GRM7: variants seen among roughly 807,000 people sequenced by gnomAD.
The protein encoded by GRM7 is glutamate metabotropic receptor 7.
Under a neutral mutation model 84.5 loss-of-function variants are expected in GRM7, and 35 were observed. The observed-to-expected ratio is 0.41, with a 90% confidence interval of 0.32 to 0.55. GRM7 has a LOEUF of 0.55. GRM7 is among the 20% of genes least tolerant of loss of function. GRM7 has a pLI of 0.19. For synonymous variants in GRM7, 487 were observed against 455.1 expected, an observed-to-expected ratio of 1.07 and a Z score of -0.89; for missense variants, 1,003 against 1,194.6, an observed-to-expected ratio of 0.84 and a Z score of 2.36.
chr3:6,913,536 T>C (rs1335154754), intron 1 of GRM7, among the ~76,000 whole-genome samples: 2 of 152,182 alleles, frequency 1.3e-5, no homozygotes, highest in Non-Finnish European at 2.9e-5. Context: ...TACTCTATTC[T>C]TATCTTTTTC....
chr3:7,651,623 G>C (rs1223421726), intron 8 of GRM7, among the ~76,000 whole-genome samples: 3 of 152,188 alleles, frequency 2.0e-5, no homozygotes, highest in African/African-American at 7.2e-5. Flanking sequence ...AAGAATTGCT[G>C]CTCAGTTCCA....
chr3:7,708,695 A>G (rs1302270366), intron 9 of GRM7, among the ~76,000 whole-genome samples: 1 of 152,034 alleles, frequency 6.6e-6, no homozygotes, highest in Non-Finnish European at 1.5e-5. Flanking sequence ...GAGGTTGGAA[A>G]CCAGTCACTC....
chr3:7,230,570 A>T (rs1265295678), intron 2 of GRM7, among the ~76,000 whole-genome samples: 1 of 152,216 alleles, frequency 6.6e-6, no homozygotes, highest in Non-Finnish European at 1.5e-5. Flanking sequence ...AATGTCTAAG[A>T]TTCCTTCAAC....
chr3:7,727,846 G>T (rs184684241), intron 9 of GRM7, among the ~76,000 whole-genome samples: 1 of 152,028 alleles, frequency 6.6e-6, no homozygotes, highest in Non-Finnish European at 1.5e-5. Context: ...ATCTCCCATG[G>T]CCAAGATCCC....
chr3:7,305,851 C>T (rs535673167), intron 3 of GRM7, among the ~76,000 whole-genome samples: 1 of 152,182 alleles, frequency 6.6e-6, no homozygotes, highest in South Asian at 2.1e-4. Context: ...TCTGATCTAC[C>T]AATGCAGTTA....
intron 1 of GRM7, among the ~76,000 whole-genome samples, chr3:7,129,329 C>G (rs865922975): frequency 2.6e-5 from 4 of 152,296 alleles, no homozygotes; most frequent in African/African-American, 4.8e-5. Flanking sequence ...TACAAGTTCT[C>G]TAGCCTAAAG....
chr3:7,284,303 T>C (rs981527081), intron 2 of GRM7, among the ~76,000 whole-genome samples: 3 of 127,108 alleles, frequency 2.4e-5, no homozygotes, highest in Non-Finnish European at 5.2e-5. Context: ...TGTGTGTGTG[T>C]GTGTGTGTGT....
intron 1 of GRM7, among the ~76,000 whole-genome samples, chr3:7,137,508 TTA>T (rs1693809312): frequency 1.3e-5 from 2 of 152,070 alleles, no homozygotes; most frequent in Non-Finnish European, 2.9e-5. Context: ...CAAACCTTGA[TTA>T]CTTGAAATGA....
chr3:7,338,643 GA>G (rs1701519357), intron 4 of GRM7, among the ~76,000 whole-genome samples: 1 of 152,114 alleles, frequency 6.6e-6, no homozygotes, highest in Non-Finnish European at 1.5e-5. Context: ...TTCGCCCTTT[GA>G]AGTTCACACC....
At chr3:6,986,045 G>C (rs535241565) in intron 1 of GRM7, among the ~76,000 whole-genome samples, 1 of 152,056 alleles carries the variant, frequency 6.6e-6, no homozygotes, top group African/African-American at 2.4e-5. Context: ...GCCTTTGCAC[G>C]TACCTGGTGG....
chr3:7,221,053 C>T (rs959976444), intron 2 of GRM7, among the ~76,000 whole-genome samples: 17 of 152,224 alleles, frequency 1.1e-4, no homozygotes, highest in African/African-American at 3.9e-4. Flanking sequence ...GCCGAGATCA[C>T]ACCACTGCAC....
intron 2 of GRM7, among the ~76,000 whole-genome samples, chr3:7,245,035 A>C (rs1697705799): frequency 6.6e-6 from 1 of 152,052 alleles, no homozygotes; most frequent in African/African-American, 2.4e-5. Context: ...ATTTAATGTC[A>C]TAAATTTATT....
At chr3:7,664,409 C>A (rs1035440381) in intron 8 of GRM7, among the ~76,000 whole-genome samples, 1 of 152,150 alleles carries the variant, frequency 6.6e-6, no homozygotes, top group African/African-American at 2.4e-5. Flanking sequence ...TTCTTTATGT[C>A]GGTAAAGGGG....
chr3:6,960,299 A>G (rs944225578), intron 1 of GRM7, among the ~76,000 whole-genome samples: 1 of 152,076 alleles, frequency 6.6e-6, no homozygotes, highest in African/African-American at 2.4e-5. Flanking sequence ...TGTGGTCCTG[A>G]TAAAGATTTT....
At chr3:7,599,603 A>G (rs1036630897) in intron 8 of GRM7, among the ~76,000 whole-genome samples, 1 of 152,174 alleles carries the variant, frequency 6.6e-6, no homozygotes, top group African/African-American at 2.4e-5. Context: ...AAAGATGTCC[A>G]CTCTATAGCT....
intron 4 of GRM7, among the ~76,000 whole-genome samples, chr3:7,404,069 T>C (rs1695572486): frequency 1.3e-5 from 2 of 152,164 alleles, no homozygotes; most frequent in South Asian, 4.1e-4. Flanking sequence ...CTGGTCTGGT[T>C]TGGAGTCCAA....
chr3:7,051,874 A>C (rs113997605), intron 1 of GRM7, among the ~76,000 whole-genome samples: 623 of 151,948 alleles, frequency 4.1e-3, no homozygotes, highest in Middle Eastern at 0.01. Flanking sequence ...TCTCTACATC[A>C]ATGGGTGACT....
At position 7,204,330 on chromosome 3, in the gene GRM7, A is replaced by G. The variant is rs568943647; in HGVS notation, c.736+57662A>G. On this transcript the variant is annotated intron_variant, in intron 2 of 9. Transcript: ENST00000357716. Reference sequence around the variant, plus strand: ...GGAACTGAGATTATCTCTTCCAGACATTCTCTCTTAGGAGCAAGAGCATCT... The same window carrying G: ...GGAACTGAGATTATCTCTTCCAGACGTTCTCTCTTAGGAGCAAGAGCATCT... 3.9e-5 allele frequency among the ~76,000 whole-genome samples: 6 copies of G among 152,326 alleles called. No individual in the cohort carries two copies. In the East Asian group the frequency reaches 5.8e-4, roughly 15 times the overall value.
intron 6 of GRM7, among the ~76,000 whole-genome samples, chr3:7,454,011 A>T (rs1697892109): frequency 6.6e-6 from 1 of 151,822 alleles, no homozygotes; most frequent in South Asian, 2.1e-4. Flanking sequence ...TTGTTTTCTG[A>T]GGCCTAAAGT....
Sources: gnomAD v4.1 joint callset for allele counts (sites outside exome capture counted in the v4.1 genomes callset) on GRCh38, gnomAD v4.1.1 for gene constraint, MANE v1.5 for transcripts, NCBI Gene and HGNC (gene_info 2026-07-23, HGNC 2026-07-21) for gene names.